The following SAMD3 variants were observed in gnomAD, a reference collection of about 807,000 sequenced individuals.
SAMD3 encodes sterile alpha motif domain-containing protein 3.
In SAMD3, 63 loss-of-function variants were observed where a neutral mutation model predicts 58.5. That is an observed-to-expected ratio of 1.08 (90% CI 0.88 to 1.33). SAMD3 has a LOEUF of 1.33. Among genes scored for constraint, SAMD3 ranks in the 40% most tolerant of loss-of-function variants. The probability of loss-of-function intolerance (pLI) is 0.00; values close to 1 mark genes in which losing one functional copy is unlikely to be tolerated. For missense variants in SAMD3, 604 were observed against 608.4 expected, an observed-to-expected ratio of 0.99 and a Z score of 0.08; for synonymous variants, 220 against 210.3, an observed-to-expected ratio of 1.05 and a Z score of -0.40.
At chr6:130,331,109 A>C (rs1776919041) in intron 1 of SAMD3, among the ~76,000 whole-genome samples, 1 of 152,238 alleles carries the variant, frequency 6.6e-6, no homozygotes, top group South Asian at 2.1e-4. Context: ...CTAATATATG[A>C]GCAGAAAAAG....
chr6:130,225,619 C>T (rs1364695568), upstream of SAMD3, among the ~76,000 whole-genome samples: 1 of 152,198 alleles, frequency 6.6e-6, no homozygotes, highest in Non-Finnish European at 1.5e-5. Context: ...AAAATCCTTA[C>T]ATTCCAATCT....
intron 5 of SAMD3, among the ~76,000 whole-genome samples, chr6:130,185,611 G>A (rs12174626): frequency 0.48 from 72,495 of 150,732 alleles, 17,543 homozygotes; most frequent in Non-Finnish European, 0.52. Context: ...ACAGGCCTGA[G>A]CCACTGCATC....
intron 2 of SAMD3, among the ~76,000 whole-genome samples, chr6:130,275,090 T>G (rs1415163066): frequency 6.6e-6 from 1 of 152,194 alleles, no homozygotes; most frequent in Non-Finnish European, 1.5e-5. Context: ...TTAGGTGAGT[T>G]GTATGCCCAT....
At chr6:130,337,415 T>C (rs1777132387) in intron 1 of SAMD3, among the ~76,000 whole-genome samples, 1 of 152,200 alleles carries the variant, frequency 6.6e-6, no homozygotes, top group Admixed American at 6.5e-5. Context: ...CTCTTTTCTT[T>C]ATAAATTACC....
chr6:130,343,410 G>A (rs1195419014), intron 1 of SAMD3, among the ~76,000 whole-genome samples: 2 of 152,000 alleles, frequency 1.3e-5, no homozygotes, highest in Non-Finnish European at 2.9e-5. Context: ...ATAATAAAAG[G>A]CATATCTCTG....
chr6:130,241,875 T>A (rs1178629605), intron 2 of SAMD3, among the ~76,000 whole-genome samples: 2 of 152,186 alleles, frequency 1.3e-5, no homozygotes, highest in African/African-American at 4.8e-5. Context: ...CACAGGTGTT[T>A]CTGTGACTGT....
intron 5 of SAMD3, among the ~76,000 whole-genome samples, chr6:130,194,845 ACAG>A (rs1186579624): frequency 1.3e-5 from 2 of 152,154 alleles, no homozygotes; most frequent in Non-Finnish European, 1.5e-5. Context: ...TTGGAAGCCT[ACAG>A]GACCATCACA....
intron 1 of SAMD3, among the ~76,000 whole-genome samples, chr6:130,325,798 C>T (rs901735682): frequency 6.6e-6 from 1 of 152,256 alleles, no homozygotes; most frequent in South Asian, 2.1e-4. Flanking sequence ...TCAATGTACC[C>T]GTTCCTGAAC....
intron 1 of SAMD3, among the ~76,000 whole-genome samples, chr6:130,330,353 C>A (rs1776890091): frequency 6.6e-6 from 1 of 152,154 alleles, no homozygotes; most frequent in Non-Finnish European, 1.5e-5. Context: ...GTGATATAAA[C>A]TTTCTTAAAA....
At position 130,359,481 on chromosome 6, in the gene SAMD3, C is replaced by T. The variant is rs530097690; in HGVS notation, c.-304+5639G>A. Among the ~76,000 whole-genome samples the T allele has an allele frequency of 7.2e-5, 11 of 152,252 alleles. No homozygotes were observed. In the South Asian group the frequency reaches 1.7e-3, roughly 23 times the overall value. ...TGAATTCTGTTACATCCTTGTCTAC[C>T]TTTTGAAGTCTCTGCATCTTTCAGA... is the stretch of plus-strand genomic sequence containing the variant. On this transcript the variant is annotated intron_variant, in intron 1 of 13. Transcript: ENST00000368134.
At chr6:130,173,459 T>C (rs1218162669) in intron 8 of SAMD3, among the ~76,000 whole-genome samples, 2 of 152,216 alleles carry the variant, frequency 1.3e-5, no homozygotes, top group Non-Finnish European at 2.9e-5. Context: ...TGCTACAGTT[T>C]GCTGGAGGTC....
intron 1 of SAMD3, among the ~76,000 whole-genome samples, chr6:130,351,326 G>A (rs999199704): frequency 9.2e-5 from 14 of 151,910 alleles, no homozygotes; most frequent in African/African-American, 1.9e-4. Context: ...CAATCTACTC[G>A]TCTGACAAAG....
intron 5 of SAMD3, among the ~76,000 whole-genome samples, chr6:130,206,629 A>T (rs1182331142): frequency 6.6e-6 from 1 of 152,182 alleles, no homozygotes; most frequent in African/African-American, 2.4e-5. Context: ...TTGAAACATT[A>T]ATTCTAAGGT....
intron 2 of SAMD3, among the ~76,000 whole-genome samples, chr6:130,258,303 C>A (rs1043956103): frequency 6.6e-6 from 1 of 152,130 alleles, no homozygotes; most frequent in Non-Finnish European, 1.5e-5. Flanking sequence ...GTAGAGAGCA[C>A]ATGGTAGCTC....
chr6:130,308,195 G>T (rs151123683), intron 2 of SAMD3, among the ~76,000 whole-genome samples: 55 of 152,102 alleles, frequency 3.6e-4, no homozygotes, highest in African/African-American at 1.3e-3. Context: ...ATCAGAAACT[G>T]GTGTGCATGA....
At position 130,301,885 on chromosome 6, in the gene SAMD3, G is replaced by A. The variant is rs554295187; in HGVS notation, c.-188+11093C>T. Among the ~76,000 whole-genome samples, 11 of 152,214 alleles carry A rather than the reference G, an allele frequency of 7.2e-5. No homozygotes were observed. In the South Asian group the frequency reaches 2.1e-3, roughly 29 times the overall value. Reference sequence around the variant, plus strand: ...ATTCAATAAATGGTCTGAGAAAACTGAGTATCCATACACAGAAGAATGAAA... The same window carrying A: ...ATTCAATAAATGGTCTGAGAAAACTAAGTATCCATACACAGAAGAATGAAA... On this transcript the variant is annotated intron_variant, in intron 2 of 13. Coordinates refer to the SAMD3 transcript ENST00000368134.
intron 7 of SAMD3, among the ~76,000 whole-genome samples, chr6:130,180,363 G>A (rs1245499546): frequency 7.4e-6 from 1 of 134,740 alleles, no homozygotes; most frequent in Non-Finnish European, 1.5e-5. Context: ...TTGAACTCCT[G>A]GGATCAAGTG....
At chr6:130,341,166 G>A (rs1777259013) in intron 1 of SAMD3, among the ~76,000 whole-genome samples, 1 of 151,664 alleles carries the variant, frequency 6.6e-6, no homozygotes, top group Non-Finnish European at 1.5e-5. Flanking sequence ...AGAGAGGGAG[G>A]GAGGAAGGAA....
intron 2 of SAMD3, among the ~76,000 whole-genome samples, chr6:130,300,137 T>C (rs968428420): frequency 6.6e-6 from 1 of 152,036 alleles, no homozygotes; most frequent in Admixed American, 6.6e-5. Context: ...GATACCAAAA[T>C]CTGGCAAGGA....
Sources: gnomAD v4.1 joint callset for allele counts (sites outside exome capture counted in the v4.1 genomes callset) on GRCh38, gnomAD v4.1.1 for gene constraint, MANE v1.5 for transcripts, NCBI Gene and HGNC (gene_info 2026-07-23, HGNC 2026-07-21) for gene names.